Variants in SEC61A2 observed in about 807,000 individuals in gnomAD.
SEC61A2 encodes protein transport protein Sec61 subunit alpha isoform 2.
SEC61A2 carries 28 observed loss-of-function variants against 59.9 expected under a neutral mutation model. That is an observed-to-expected ratio of 0.47 (90% confidence interval 0.35 to 0.64). The LOEUF (loss-of-function observed/expected upper bound fraction) is 0.64, where lower values mean the gene tolerates loss of function less well. Ranked by LOEUF, SEC61A2 falls within the 30% of genes least tolerant of loss-of-function variation. SEC61A2 has a pLI of 0.01. For missense variants in SEC61A2, 340 were observed against 585.9 expected, an observed-to-expected ratio of 0.58 and a Z score of 4.33; for synonymous variants, 202 against 214.4, an observed-to-expected ratio of 0.94 and a Z score of 0.50.
At chr10:12,144,238 AAAAGAAAAGT>A (rs1834088575) in intron 4 of SEC61A2, among the ~76,000 whole-genome samples, 1 of 152,220 alleles carries the variant, frequency 6.6e-6, no homozygotes, top group South Asian at 2.1e-4. Context: ...TATGAAGCTG[AAAAGAAAAGT>A]GTCACTTCTG....
Position 12,152,828 on chromosome 10 carries a change from C to CCG in SEC61A2, c.462+2867_462+2868insCG, listed in dbSNP as rs1375046473. Among the ~76,000 whole-genome samples the CCG allele has an allele frequency of 6.6e-6, 1 of 151,126 alleles. No individual in the cohort carries two copies. ...CCCAGGAGGCGGAGGTTGCAGTGAGCTGAGATTGCACCACTGCACTCCAGC... is the reference window on the plus strand; with the variant it reads ...CCCAGGAGGCGGAGGTTGCAGTGAGCCGTGAGATTGCACCACTGCACTCCAGC... On this transcript the variant is annotated intron_variant, in intron 6 of 11. Coordinates refer to ENST00000298428, the MANE Select transcript of SEC61A2 (RefSeq NM_018144.4). The surrounding 1 kb of genome is among the most constrained non-coding windows in gnomAD (Gnocchi z 5.5).
At chr10:12,134,643 T>A (rs1481611532) in intron 2 of SEC61A2, among the ~76,000 whole-genome samples, 1 of 152,178 alleles carries the variant, frequency 6.6e-6, no homozygotes, top group Non-Finnish European at 1.5e-5. Context: ...GAAAACAATC[T>A]AGGCCCGGCA....
chr10:12,141,862 A>G (rs1002397733), intron 3 of SEC61A2, among the ~76,000 whole-genome samples: 2 of 152,180 alleles, frequency 1.3e-5, no homozygotes, highest in East Asian at 1.9e-4. Flanking sequence ...AAAGGGCCAT[A>G]TATGCAAAAT....
Position 12,160,838 on chromosome 10 carries a change from A to C in SEC61A2, c.976-92A>C. 8.9e-7 allele frequency: 1 copy of C among 1,125,854 alleles called. No individual in the cohort carries two copies. The highest frequency in any genetic ancestry group is 1.3e-6 in the Non-Finnish European group (1 of 781,854). The allele number at this position is 1,125,854 out of a possible 1,614,324, so 69.7% of individuals were successfully genotyped here. ...TAGCTGTAGATGCCTTGAACTTAAAACACTGTCATTTCTGAGAAGTTTGAA... is the reference window on the plus strand; with the variant it reads ...TAGCTGTAGATGCCTTGAACTTAAACCACTGTCATTTCTGAGAAGTTTGAA... On this transcript the variant is annotated intron_variant, in intron 9 of 11. Transcript: ENST00000298428. This position sits in a 1 kb window ranked among gnomAD's most constrained non-coding sequence, Gnocchi z 4.1.
At position 12,160,799 on chromosome 10, in the gene SEC61A2, C is replaced by A; in HGVS notation, c.976-131C>A. 1.5e-6 allele frequency: 1 copy of A among 687,772 alleles called. No individual in the cohort carries two copies. The highest frequency in any genetic ancestry group is 2.4e-6 in the Non-Finnish European group (1 of 413,964). The allele number at this position is 687,772 out of a possible 1,614,324, so 42.6% of individuals were successfully genotyped here. A position where few individuals can be genotyped will look rare whatever the true frequency, so the allele number is the denominator to read the frequency against. On this transcript the variant is annotated intron_variant, in intron 9 of 11. Transcript: ENST00000298428. This position sits in a 1 kb window ranked among gnomAD's most constrained non-coding sequence, Gnocchi z 4.1. The stretch of plus-strand genomic sequence containing the variant: ...GTAGACACAAAAGTACATTCTGAAA[C>A]TACATAGAATGACTAGCTGTAGATG...
At position 12,149,552 on chromosome 10, in the gene SEC61A2, G is replaced by T; in HGVS notation, c.221-43G>T. ...CGACACCTCTAAATCAGTTTGTATC[G>T]TGTACAGCAAACATTGCACACTTCT... On this transcript the variant is annotated intron_variant, in intron 4 of 11. Coordinates refer to ENST00000298428, the MANE Select transcript of SEC61A2 (RefSeq NM_018144.4). This position sits in a 1 kb window ranked among gnomAD's most constrained non-coding sequence, Gnocchi z 5.2. 1 of 1,553,012 alleles carries T rather than the reference G, an allele frequency of 6.4e-7. No individual in the cohort carries two copies. Among genetic ancestry groups the T allele is most frequent in the Non-Finnish European group, 8.7e-7 (1 of 1,152,774 alleles).
chr10:12,157,118 C>T (rs1476884488), intron 8 of SEC61A2, 51 bp downstream of exon 8: 6 of 1,549,094 alleles, frequency 3.9e-6, no homozygotes, highest in Non-Finnish European at 5.3e-6. Context: ...TTTTATTTTG[C>T]TCTTAAAGAG....
intron 2 of SEC61A2, among the ~76,000 whole-genome samples, chr10:12,134,253 C>T (rs1833832016): frequency 2.0e-5 from 3 of 152,124 alleles, no homozygotes; most frequent in South Asian, 2.1e-4. Flanking sequence ...GTGATCTGCC[C>T]GCCTCAGCCT....
intron 3 of SEC61A2, among the ~76,000 whole-genome samples, chr10:12,141,657 G>A (rs951376372): frequency 1.4e-4 from 21 of 152,282 alleles, no homozygotes; most frequent in African/African-American, 4.3e-4. Flanking sequence ...CTCCTAGTTT[G>A]ATTTTCTGTG....
At position 12,143,493 on chromosome 10, in the gene SEC61A2, G is replaced by A. The variant is rs1269307852; in HGVS notation, c.220+298G>A. Among the ~76,000 whole-genome samples the A allele has an allele frequency of 9.2e-5, 14 of 152,124 alleles. No homozygotes were observed. The highest frequency in any genetic ancestry group is 1.5e-4 in the Non-Finnish European group (10 of 68,012). The stretch of plus-strand genomic sequence containing the variant: ...CTCACCCCTGTAATCCCAGCACTTT[G>A]GGAGGCCAAGGTGGGCAGATCACCT... On this transcript the variant is annotated intron_variant, in intron 4 of 11. Transcript: ENST00000298428. This position sits in a 1 kb window ranked among gnomAD's most constrained non-coding sequence, Gnocchi z 4.8.
Position 12,155,128 on chromosome 10 carries a change from A to G in SEC61A2, c.463-650A>G, listed in dbSNP as rs1224421912. On this transcript the variant is annotated intron_variant, in intron 6 of 11. Transcript: ENST00000298428. This position sits in a 1 kb window ranked among gnomAD's most constrained non-coding sequence, Gnocchi z 4.3. ...CAGTATGCTTTCATTTTTAAAAACA[A>G]TATGAGCTTAACCTTAACCGTCTTC... is the stretch of plus-strand genomic sequence containing the variant. 1.3e-5 allele frequency among the ~76,000 whole-genome samples: 2 copies of G among 152,242 alleles called. No individual in the cohort carries two copies. The highest frequency in any genetic ancestry group is 4.8e-5 in the African/African-American group (2 of 41,470).
intron 3 of SEC61A2, among the ~76,000 whole-genome samples, chr10:12,137,520 G>T (rs546006500): frequency 3.9e-4 from 60 of 152,108 alleles, no homozygotes; most frequent in African/African-American, 1.4e-3. Context: ...GCCCAGGCTG[G>T]TCTCGAATTC....
In SEC61A2 at chr10:12,143,486, G is replaced by A. The variant is rs907665388; in HGVS notation, c.220+291G>A. On this transcript the variant is annotated intron_variant, in intron 4 of 11. Transcript: ENST00000298428. The surrounding 1 kb of genome is among the most constrained non-coding windows in gnomAD (Gnocchi z 4.8). ...GCCGTGGCTCACCCCTGTAATCCCA[G>A]CACTTTGGGAGGCCAAGGTGGGCAG... is the stretch of plus-strand genomic sequence containing the variant. Among the ~76,000 whole-genome samples the A allele has an allele frequency of 6.6e-6, 1 of 152,122 alleles. No individual in the cohort carries two copies. Among genetic ancestry groups the A allele is most frequent in the African/African-American group, 2.4e-5 (1 of 41,418 alleles).
Position 12,143,064 on chromosome 10 carries a change from T to C in SEC61A2, c.142-53T>C. The C allele has an allele frequency of 2.2e-6, 3 of 1,384,190 alleles. No individual in the cohort carries two copies. The highest frequency in any genetic ancestry group is 3.1e-6 in the Non-Finnish European group (3 of 971,660). 85.7% of individuals were successfully genotyped at this position (1,384,190 alleles called of 1,614,324 possible). On this transcript the variant is annotated intron_variant, in intron 3 of 11. Transcript: ENST00000298428. This position sits in a 1 kb window ranked among gnomAD's most constrained non-coding sequence, Gnocchi z 4.8. Reference sequence around the variant, plus strand: ...GCCTCCTGGGTTCAAGCGATTCTTATGCCTCAGCCTTATATAATACAGTTT... The same window carrying C: ...GCCTCCTGGGTTCAAGCGATTCTTACGCCTCAGCCTTATATAATACAGTTT...
Position 12,153,599 on chromosome 10 carries a change from G to A in SEC61A2, c.463-2179G>A, listed in dbSNP as rs927289834. ...ACAGTCCAAGAATGAAACAAGTGAA[G>A]TGGATGTACACTGATTCATTTACAT... On this transcript the variant is annotated intron_variant, in intron 6 of 11. Coordinates refer to ENST00000298428, the MANE Select transcript of SEC61A2 (RefSeq NM_018144.4). This position sits in a 1 kb window ranked among gnomAD's most constrained non-coding sequence, Gnocchi z 5.2. 3.6e-6 allele frequency: 3 copies of A among 822,346 alleles called. No homozygotes were observed. The highest frequency in any genetic ancestry group is 3.5e-5 in the African/African-American group (2 of 56,466). The allele number at this position is 822,346 out of a possible 1,614,324, so 50.9% of individuals were successfully genotyped here.
downstream of SEC61A2, chr10:12,167,840 T>A (rs753779407): frequency 5.0e-6 from 8 of 1,612,072 alleles, no homozygotes; most frequent in Admixed American, 1.2e-4. Flanking sequence ...ACAACTTAGA[T>A]CATGCCGTTA....
At chr10:12,159,912 T>C (rs1834490746) in intron 9 of SEC61A2, among the ~76,000 whole-genome samples, 1 of 152,204 alleles carries the variant, frequency 6.6e-6, no homozygotes, top group South Asian at 2.1e-4. Flanking sequence ...AAAAAGGTTT[T>C]TTTAAGATAA....
At chr10:12,169,665 G>A (rs551072588), downstream of SEC61A2, 19 of 245,670 alleles carry the variant, frequency 7.7e-5, no homozygotes, top group East Asian at 1.5e-3. The surrounding 1 kb of genome is among the most constrained non-coding windows in gnomAD (Gnocchi z 4.8). Flanking sequence ...TGAAGCAGGA[G>A]TGGAAGCTCT....
chr10:12,148,561 G>A (rs1564411758), intron 4 of SEC61A2, among the ~76,000 whole-genome samples: 1 of 148,930 alleles, frequency 6.7e-6, no homozygotes, highest in Non-Finnish European at 1.5e-5. Flanking sequence ...TTTTCTTTGA[G>A]ATGGAGTCTC....
Sources: allele counts gnomAD v4.1 joint callset (sites outside exome capture counted in the v4.1 genomes callset), GRCh38; gene constraint gnomAD v4.1.1; non-coding constraint Gnocchi (gnomAD v3.1); transcripts MANE v1.5; gene names NCBI Gene and HGNC (gene_info 2026-07-23, HGNC 2026-07-21).